The following DMXL1 variants were observed in gnomAD, a reference collection of about 807,000 sequenced individuals.
DMXL1 encodes the protein dmX-like protein 1.
Under a neutral mutation model 319.2 loss-of-function variants are expected in DMXL1, and 99 were observed. That is an observed-to-expected ratio of 0.31 (90% CI 0.26 to 0.37). The LOEUF (loss-of-function observed/expected upper bound fraction) is 0.37. DMXL1 is among the 10% of genes least tolerant of loss of function. The pLI, the probability that DMXL1 is intolerant of heterozygous loss-of-function variation, is 1.00. For synonymous variants in DMXL1, 1,385 were observed against 1,235.2 expected (o/e 1.12, Z -2.54); for missense variants, 3,745 against 3,595.6 (o/e 1.04, Z -1.06).
intron 37 of DMXL1, among the ~76,000 whole-genome samples, chr5:119,224,142 C>T (rs896216883): frequency 6.6e-6 from 1 of 151,968 alleles, no homozygotes; most frequent in Non-Finnish European, 1.5e-5. Context: ...AAAAGAATAA[C>T]AATAACAAAA....
At chr5:119,091,762 G>A (rs1000556179) in intron 1 of DMXL1, among the ~76,000 whole-genome samples, 3 of 152,154 alleles carry the variant, frequency 2.0e-5, no homozygotes, top group South Asian at 2.1e-4. Flanking sequence ...GGGGAATGCT[G>A]GCTAAGGGTT....
chr5:119,078,279 T>A (rs1751439424), intron 1 of DMXL1, among the ~76,000 whole-genome samples: 1 of 152,076 alleles, frequency 6.6e-6, no homozygotes, highest in African/African-American at 2.4e-5. Context: ...TGCACCTGGC[T>A]CATATTTTCA....
chr5:119,150,212 A>T lies in DMXL1; in HGVS notation c.4385A>T (p.Asp1462Val), dbSNP rs75899437. Reference sequence around the variant, plus strand: ...ACTGATACTCATATGTTAGAGACAGATGAAGAAAATACAAAGCCTAGAGTT... The same window carrying T: ...ACTGATACTCATATGTTAGAGACAGTTGAAGAAAATACAAAGCCTAGAGTT... ...LMTDTHMLET[D>V]EENTKPRVID... is the part of the protein sequence containing the mutation. The change falls in exon 18 of 44, where the codon GAT becomes GTT. Residue 1462 changes from aspartate (D) to valine (V), a missense_variant. By Grantham distance (152) the Asp-to-Val change is radical (BLOSUM62 -3). Transcript: ENST00000539542. 13 of 1,613,848 alleles carry T rather than the reference A, an allele frequency of 8.1e-6. No individual in the cohort carries two copies. The African/African-American group carries it at 1.6e-4, about 20-fold the overall frequency.
intron 1 of DMXL1, among the ~76,000 whole-genome samples, chr5:119,089,817 G>T (rs938467183): frequency 6.6e-6 from 1 of 150,614 alleles, no homozygotes; most frequent in Non-Finnish European, 1.5e-5. Context: ...GTAGAGATGG[G>T]GTTTCTCCAG....
chr5:119,208,981 G>C (rs1782261783), intron 34 of DMXL1, among the ~76,000 whole-genome samples: 1 of 152,102 alleles, frequency 6.6e-6, no homozygotes, highest in Non-Finnish European at 1.5e-5. Flanking sequence ...TTGGTTTATA[G>C]TCTGTGTCCA....
chr5:119,134,228 A>G (rs1349538680), intron 12 of DMXL1, 40 bp from the exon 13 acceptor site: 2 of 1,605,360 alleles, frequency 1.2e-6, no homozygotes, highest in Admixed American at 1.7e-5. Context: ...TGACATTATC[A>G]TCAAAGGGTG....
chr5:119,210,271 G>C (rs975552740), intron 34 of DMXL1, among the ~76,000 whole-genome samples: 6 of 152,104 alleles, frequency 3.9e-5, no homozygotes, highest in Non-Finnish European at 8.8e-5. Context: ...TTGAAGTGCA[G>C]AAGTTCTTAA....
At chr5:119,081,811 T>A (rs901224795) in intron 1 of DMXL1, 7 of 798,720 alleles carry the variant, frequency 8.8e-6, no homozygotes, top group Non-Finnish European at 1.1e-5. Context: ...GTTATAAAGG[T>A]TTTAAGAAAA....
At chr5:119,079,372 C>A (rs775029404) in intron 1 of DMXL1, among the ~76,000 whole-genome samples, 2 of 152,216 alleles carry the variant, frequency 1.3e-5, no homozygotes, top group Non-Finnish European at 2.9e-5. Context: ...TGGATCTTAT[C>A]TATTCAGGCT....
chr5:119,198,635 C>G (rs554545813), intron 32 of DMXL1, among the ~76,000 whole-genome samples: 1 of 152,296 alleles, frequency 6.6e-6, no homozygotes, highest in Non-Finnish European at 1.5e-5. Flanking sequence ...AAAAATTATT[C>G]TAAAATCAGA....
chr5:119,219,120 C>T (rs1432845691), intron 35 of DMXL1, among the ~76,000 whole-genome samples: 1 of 152,148 alleles, frequency 6.6e-6, no homozygotes, highest in Non-Finnish European at 1.5e-5. Context: ...AAAATCAGCA[C>T]TTTACACTGG....
At chr5:119,164,318 A>G (rs1005238408) in intron 19 of DMXL1, among the ~76,000 whole-genome samples, 189 bp from the exon 20 acceptor site, 4 of 152,296 alleles carry the variant, frequency 2.6e-5, no homozygotes, top group South Asian at 2.1e-4. Context: ...TGCAAAACAT[A>G]TATGTGCTCA....
rs892423646 is a variant in DMXL1 at position 119,249,041 on chromosome 5, T to C, written c.*1822T>C. ...GAACTAAATATTTTAATTGAGCATTTATATGGATAATCATACATTATGTAA... is the reference window on the plus strand; with the variant it reads ...GAACTAAATATTTTAATTGAGCATTCATATGGATAATCATACATTATGTAA... On this transcript the variant is annotated 3_prime_UTR_variant, in exon 44 of 44. Transcript: ENST00000539542. 6.6e-6 allele frequency: 1 copy of C among 152,568 alleles called. No individual in the cohort carries two copies. Among genetic ancestry groups the C allele is most frequent in the East Asian group, 1.9e-4 (1 of 5,204 alleles). 9.5% of individuals were successfully genotyped at this position (152,568 alleles called of 1,614,324 possible). A position where few individuals can be genotyped will look rare whatever the true frequency, so the allele number is the denominator to read the frequency against.
At position 119,173,776 on chromosome 5, in the gene DMXL1, GTATATA is replaced by G. The variant is rs758312462; in HGVS notation, c.6682-1468_6682-1463del. Among the ~76,000 whole-genome samples the G allele has an allele frequency of 4.0e-4, 27 of 67,168 alleles. 5 individuals are homozygous for G. In the East Asian group the frequency reaches 0.013, roughly 32 times the overall value. 44.1% of individuals were successfully genotyped at this position (67,168 alleles called of 152,430 possible). On this transcript the variant is annotated intron_variant, in intron 25 of 43. Coordinates refer to ENST00000539542, the MANE Select transcript of DMXL1 (RefSeq NM_001290321.3). The stretch of plus-strand genomic sequence containing the variant: ...TGTGTATATATATATATGTGTGTGT[GTATATA>G]TATATATATATATATAATGAGAGAG...
At chr5:119,140,478 C>T (rs1319190081) in intron 13 of DMXL1, among the ~76,000 whole-genome samples, 1 of 152,130 alleles carries the variant, frequency 6.6e-6, no homozygotes, top group Admixed American at 6.6e-5. Context: ...CTACTACGAA[C>T]ACCTCTGTGC....
chr5:119,187,873 G>C (rs1289672191), intron 28 of DMXL1, among the ~76,000 whole-genome samples: 2 of 152,160 alleles, frequency 1.3e-5, no homozygotes, highest in African/African-American at 4.8e-5. Flanking sequence ...ATGTTGGCCA[G>C]GCTGGATCCT....
At chr5:119,085,144 C>G (rs1753076209) in intron 1 of DMXL1, among the ~76,000 whole-genome samples, 1 of 151,852 alleles carries the variant, frequency 6.6e-6, no homozygotes, top group South Asian at 2.1e-4. Flanking sequence ...CCCTAGCCAG[C>G]ATGGTGAAAC....
intron 19 of DMXL1, among the ~76,000 whole-genome samples, chr5:119,152,411 G>C (rs1770012530): frequency 6.6e-6 from 1 of 151,708 alleles, no homozygotes; most frequent in Admixed American, 6.6e-5. Context: ...AATAACATTT[G>C]TGTTATAATA....
chr5:119,123,042 C>A (rs1056828636), intron 9 of DMXL1, among the ~76,000 whole-genome samples: 2 of 152,186 alleles, frequency 1.3e-5, no homozygotes, highest in Non-Finnish European at 2.9e-5. Context: ...AAGACTCCAT[C>A]TGCAGTCCCG....
Sources: gnomAD v4.1 joint callset for allele counts (sites outside exome capture counted in the v4.1 genomes callset) on GRCh38, gnomAD v4.1.1 for gene constraint, MANE v1.5 for transcripts, NCBI Gene and HGNC (gene_info 2026-07-23, HGNC 2026-07-21) for gene names.